Variants in POLR1A observed in about 807,000 individuals in gnomAD.
The protein encoded by POLR1A is DNA-directed RNA polymerase I subunit RPA1.
A neutral mutation model predicts 205.3 loss-of-function variants in POLR1A; 84 were observed. The ratio of observed to expected loss-of-function variants is 0.41; its 90% CI spans 0.34 to 0.49. The LOEUF (loss-of-function observed/expected upper bound fraction) is 0.49, where lower values mean the gene tolerates loss of function less well. Ranked by LOEUF, POLR1A falls within the 20% of genes least tolerant of loss-of-function variation. The pLI is 0.22. For missense variants in POLR1A, 1,645 were observed against 2,204.5 expected (o/e 0.75, Z 5.08); for synonymous variants, 799 against 863.7 (o/e 0.93, Z 1.31).
chr2:86,055,331 T>C (rs58026145), intron 14 of POLR1A, among the ~76,000 whole-genome samples: 1,646 of 152,182 alleles, frequency 0.011, 33 homozygotes, highest in East Asian at 0.097. Context: ...GACAGGGCAG[T>C]TATAAGAGCA....
chr2:86,071,633 T>C (rs984730067), intron 12 of POLR1A, among the ~76,000 whole-genome samples: 1 of 152,200 alleles, frequency 6.6e-6, no homozygotes, highest in Non-Finnish European at 1.5e-5. Flanking sequence ...CACAAGTAAT[T>C]GTACCCCTCT....
rs1386653041 is a variant in POLR1A, at chr2:86,105,860, A to G, written c.-84T>C. 1.6e-6 allele frequency: 2 copies of G among 1,258,346 alleles called. No homozygotes were observed. Among genetic ancestry groups the G allele is most frequent in the Non-Finnish European group, 2.3e-6 (2 of 873,298 alleles). The allele number at this position is 1,258,346 out of a possible 1,614,324, so 77.9% of individuals were successfully genotyped here. A position where few individuals can be genotyped will look rare whatever the true frequency, so the allele number is the denominator to read the frequency against. On this transcript the variant is annotated 5_prime_UTR_variant, in exon 1 of 34. Transcript: ENST00000263857. ...ATTCTTAATTCAACCTCAAGCCCGG[A>G]GTCACCACGCGATTCAACGTGCGCT...
Position 86,065,275 on chromosome 2 carries a change from T to C in POLR1A, c.2057A>G (p.Gln686Arg). 6.2e-7 allele frequency: 1 copy of C among 1,612,392 alleles called. No homozygotes were observed. Among genetic ancestry groups the C allele is most frequent in the Non-Finnish European group, 8.5e-7 (1 of 1,179,288 alleles). ...LKPFPLWTGK[Q>R]VVSTLLINII... Reference sequence around the variant, plus strand: ...CACTGGCTGTTCTCTCCCAATTACCTGTTTTCCTGTCCACAGCGGAAAGGG... The same window carrying C: ...CACTGGCTGTTCTCTCCCAATTACCCGTTTTCCTGTCCACAGCGGAAAGGG... Residue 686 changes from glutamine (Q) to arginine (R), a missense_variant and splice_region_variant, in exon 14 of 34, where the codon CAG (glutamine) becomes CGG (arginine). Coordinates refer to ENST00000263857, the MANE Select transcript of POLR1A (RefSeq NM_015425.6).
chr2:86,097,234 A>AAAAAAAAAAAAAAAAAAAG, intron 3 of POLR1A, among the ~76,000 whole-genome samples: 1 of 147,710 alleles, frequency 6.8e-6, no homozygotes, highest in Non-Finnish European at 1.5e-5. Context: ...AAAAAAAAAA[A>AAAAAAAAAAAAAAAAAAAG]AAAAAAAAGC....
Position 86,031,434 on chromosome 2 carries a change from G to T in POLR1A, c.4474C>A (p.Pro1492Thr), listed in dbSNP as rs1363470877. ...CGCTCCATGGCCTCGGGCCCCTGGGGCTCCTGGCTGTGGGTGGGTTTCCGG... is the reference window on the plus strand; with the variant it reads ...CGCTCCATGGCCTCGGGCCCCTGGGTCTCCTGGCTGTGGGTGGGTTTCCGG... ...QPRKPTHSQEPQGPEAMERRV... is the reference protein window; with the variant it reads ...QPRKPTHSQETQGPEAMERRV... The change falls in exon 30 of 34, where the codon CCC becomes ACC. Residue 1492 changes from proline to threonine, a missense_variant. Physicochemically the swap from Pro to Thr is conservative, Grantham distance 38 (BLOSUM62 -1). Transcript: ENST00000263857. 2 of 1,613,948 alleles carry T rather than the reference G, an allele frequency of 1.2e-6. No homozygotes were observed. The highest frequency in any genetic ancestry group is 2.2e-5 in the East Asian group (1 of 44,892).
intron 6 of POLR1A, among the ~76,000 whole-genome samples, chr2:86,085,019 T>C (rs1425166963): frequency 6.6e-6 from 1 of 152,298 alleles, no homozygotes; most frequent in Admixed American, 6.5e-5. Context: ...TGGAGTGCAG[T>C]GGCACGATCT....
intron 3 of POLR1A, among the ~76,000 whole-genome samples, chr2:86,097,282 T>C (rs1232525305): frequency 7.6e-6 from 1 of 131,348 alleles, no homozygotes; most frequent in East Asian, 2.6e-4. Flanking sequence ...GGAACTCTTA[T>C]ACACTGTTGG....
intron 25 of POLR1A, 109 bp from the exon 26 acceptor site, chr2:86,039,571 G>C: frequency 2.3e-6 from 3 of 1,301,298 alleles, no homozygotes; most frequent in Non-Finnish European, 3.3e-6. Context: ...AGAGAGGCCT[G>C]GGGATCTCAC....
rs1244887985 is a variant in POLR1A, at chr2:86,032,370, C to T, written c.4174G>A (p.Gly1392Ser). The T allele has an allele frequency of 3.7e-6, 6 of 1,611,652 alleles. No homozygotes were observed. The highest frequency in any genetic ancestry group is 2.7e-5 in the African/African-American group (2 of 74,834). The change falls in exon 29 of 34, where the codon GGT becomes AGT. Residue 1392 changes from glycine (G) to serine (S), a missense_variant. This residue lies in a region of POLR1A where 394 missense variants were observed against 468.5 expected (regional missense o/e 0.84). Coordinates refer to ENST00000263857, the MANE Select transcript of POLR1A (RefSeq NM_015425.6). ...ATGTGCCCCTCCTCTTCCTCATCAC[C>T]CTCCTGCTCTCCCTGTGGTTTGTGG... ...ELGRSRGEQE[G>S]DEEEEGHIVD...
chr2:86,091,099 C>T (rs987488003), intron 3 of POLR1A, among the ~76,000 whole-genome samples: 1 of 152,160 alleles, frequency 6.6e-6, no homozygotes, highest in Admixed American at 6.6e-5. Flanking sequence ...TCAGGAACTA[C>T]CAGCCCTTGT....
rs565512535 is a variant in POLR1A, at chr2:86,028,220, G to A, written c.4898-171C>T. Reference sequence around the variant, plus strand: ...TACTTAACCCTTCCCCGTGGTCTGGGGCATCTTTCCCTGACCCCTGCATCC... The same window carrying A: ...TACTTAACCCTTCCCCGTGGTCTGGAGCATCTTTCCCTGACCCCTGCATCC... On this transcript the variant is annotated intron_variant, in intron 32 of 33. Transcript: ENST00000263857. This position sits in a 1 kb window ranked among gnomAD's most constrained non-coding sequence, Gnocchi z 4.5. Among the ~76,000 whole-genome samples the A allele has an allele frequency of 1.3e-5, 2 of 152,206 alleles. No individual in the cohort carries two copies. The highest frequency in any genetic ancestry group is 4.8e-5 in the African/African-American group (2 of 41,522).
chr2:86,082,096 A>G (rs1673414693), intron 7 of POLR1A, among the ~76,000 whole-genome samples: 1 of 151,900 alleles, frequency 6.6e-6, no homozygotes. Context: ...TCAGCCTCCC[A>G]TATTGCTGTG....
At chr2:86,100,878 C>G (rs1449109502) in intron 1 of POLR1A, among the ~76,000 whole-genome samples, 1 of 152,084 alleles carries the variant, frequency 6.6e-6, no homozygotes, top group Non-Finnish European at 1.5e-5. Context: ...CTGAAATACT[C>G]ATCACTACAT....
chr2:86,101,612 C>T (rs1432479554), intron 1 of POLR1A, among the ~76,000 whole-genome samples: 1 of 152,130 alleles, frequency 6.6e-6, no homozygotes. Flanking sequence ...AAATTACTTA[C>T]CTTTTGTTCT....
intron 6 of POLR1A, among the ~76,000 whole-genome samples, chr2:86,085,647 C>T (rs1156592208): frequency 6.6e-6 from 1 of 152,182 alleles, no homozygotes; most frequent in African/African-American, 2.4e-5. Context: ...GCAGTTTAGT[C>T]ACCGTGAAGG....
intron 16 of POLR1A, among the ~76,000 whole-genome samples, chr2:86,050,728 G>A (rs1388398272): frequency 6.6e-6 from 1 of 152,200 alleles, no homozygotes; most frequent in African/African-American, 2.4e-5. Context: ...AAAGCGCTCT[G>A]ATTTTTTCTA....
chr2:86,028,730 G>A lies in POLR1A; in HGVS notation c.4780-19C>T. On this transcript the variant is annotated intron_variant, in intron 31 of 33. Transcript: ENST00000263857. The surrounding 1 kb of genome is among the most constrained non-coding windows in gnomAD (Gnocchi z 4.5). ...CCAGGACCTGGAGAGAGGAAGGAAG[G>A]GATTTATTTAGAGGGCCTGGCCTTC... The A allele has an allele frequency of 6.3e-7, 1 of 1,588,636 alleles. No homozygotes were observed. Among genetic ancestry groups the A allele is most frequent in the Admixed American group, 1.7e-5 (1 of 59,934 alleles).
chr2:86,094,276 A>G (rs1673662104), intron 3 of POLR1A, among the ~76,000 whole-genome samples: 1 of 152,226 alleles, frequency 6.6e-6, no homozygotes, highest in African/African-American at 2.4e-5. Context: ...TCTTTCATTT[A>G]TATCAACATA....
chr2:86,043,099 T>G lies in POLR1A; in HGVS notation c.3232A>C (p.Lys1078Gln). The change falls in exon 23 of 34, where the codon AAG (lysine) becomes CAG (glutamine). Residue 1078 changes from lysine to glutamine, a missense_variant. Transcript: ENST00000263857. ...CTTCTCAGCAGGGTGTTGGGGTGCT[T>G]GCTTTGCCATTTTTTGATAGCTCTG... ...HFRAIKKWQS[K>Q]HPNTLLRRGA... 6.2e-7 allele frequency: 1 copy of G among 1,614,222 alleles called. No homozygotes were observed. Among genetic ancestry groups the G allele is most frequent in the Non-Finnish European group, 8.5e-7 (1 of 1,180,040 alleles).
Sources: gnomAD v4.1 joint callset for allele counts (sites outside exome capture counted in the v4.1 genomes callset) on GRCh38, gnomAD v4.1.1 for gene constraint, gnomAD v4.1.1 regional missense constraint, Gnocchi (gnomAD v3.1) non-coding constraint, MANE v1.5 for transcripts, NCBI Gene and HGNC (gene_info 2026-07-23, HGNC 2026-07-21) for gene names.